Variants in PCDHA6 observed in about 807,000 individuals in gnomAD.
PCDHA6 encodes protocadherin alpha 6, also known as protocadherin alpha-6.
In PCDHA6, 55 loss-of-function variants were observed where a neutral mutation model predicts 60.3. The ratio of observed to expected loss-of-function variants is 0.91; its 90% CI spans 0.73 to 1.14. PCDHA6 has a LOEUF of 1.14. Among genes scored for constraint, PCDHA6 ranks in the 50% most tolerant of loss-of-function variants. The pLI, the probability that PCDHA6 is intolerant of heterozygous loss-of-function variation, is 0.00. For missense variants in PCDHA6, 1,327 were observed against 1,256.5 expected, an observed-to-expected ratio of 1.06 and a Z score of -0.85; for synonymous variants, 652 against 557.9, an observed-to-expected ratio of 1.17 and a Z score of -2.38.
At chr5:140,843,005 G>A (rs1562406385) in intron 1 of PCDHA6, 5 of 1,594,914 alleles carry the variant, frequency 3.1e-6, no homozygotes, top group Non-Finnish European at 3.4e-6. Flanking sequence ...GAATGACAAC[G>A]CGCCGGCACT....
chr5:140,927,192 G>T, intron 1 of PCDHA6: 4 of 1,614,154 alleles, frequency 2.5e-6, no homozygotes, highest in Non-Finnish European at 3.4e-6. Flanking sequence ...ACGACCTGGT[G>T]CTCGAGGACC....
rs1554151505 is a variant in PCDHA6 at position 140,858,367 on chromosome 5, C to T, written c.2394+27882C>T. 1.8e-5 allele frequency: 28 copies of T among 1,590,300 alleles called. 2 individuals carry two copies. Among genetic ancestry groups the T allele is most frequent in the Non-Finnish European group, 2.3e-5 (27 of 1,162,754 alleles). On this transcript the variant is annotated intron_variant, in intron 1 of 3. Transcript: ENST00000529310. ...CGGACCTCATGGCCTTCAGCCCCAG[C>T]CTTCCACCATGCCCAATGGTAGATG...
chr5:140,843,635 T>C (rs1554140305), intron 1 of PCDHA6: 2 of 1,595,882 alleles, frequency 1.3e-6, no homozygotes, highest in Non-Finnish European at 1.7e-6. Flanking sequence ...CCTCATGGCC[T>C]TCAGCCCCTG....
intron 1 of PCDHA6, among the ~76,000 whole-genome samples, chr5:140,900,657 C>T (rs116775770): frequency 0.011 from 1,723 of 152,294 alleles, 23 homozygotes; most frequent in African/African-American, 0.039. Context: ...CTGCAATGAA[C>T]AATGGGAGTG....
chr5:140,867,218 C>T (rs1306358108), intron 1 of PCDHA6: 1 of 152,104 alleles, frequency 6.6e-6, no homozygotes, highest in Non-Finnish European at 1.5e-5. Context: ...TCTTCATCCC[C>T]AATTCCCATA....
intron 1 of PCDHA6, among the ~76,000 whole-genome samples, chr5:140,892,867 A>G (rs1452797610): frequency 1.3e-5 from 2 of 152,150 alleles, no homozygotes; most frequent in African/African-American, 4.8e-5. Context: ...CTGTGTAGCT[A>G]TAATTTCGTA....
intron 1 of PCDHA6, among the ~76,000 whole-genome samples, chr5:140,964,532 G>A (rs995586958): frequency 2.0e-5 from 3 of 152,156 alleles, no homozygotes; most frequent in Non-Finnish European, 4.4e-5. Context: ...TCTGAGCTGC[G>A]TGCAGAGATG....
intron 1 of PCDHA6, among the ~76,000 whole-genome samples, chr5:140,945,003 C>A (rs2093723763): frequency 6.6e-6 from 1 of 152,064 alleles, no homozygotes; most frequent in South Asian, 2.1e-4. Flanking sequence ...GGTTGTGGGT[C>A]ATGAATTATT....
At chr5:140,832,848 G>C (rs2150204756) in intron 1 of PCDHA6, among the ~76,000 whole-genome samples, 1 of 152,162 alleles carries the variant, frequency 6.6e-6, no homozygotes, top group East Asian at 1.9e-4. Context: ...GAAGGAGACC[G>C]TGAAGAGTCA....
chr5:140,835,749 G>C, intron 1 of PCDHA6: 1 of 1,613,432 alleles, frequency 6.2e-7, no homozygotes. Context: ...CCCGGCGTTC[G>C]CGCAGCCCGA....
chr5:140,869,415 C>T (rs1444507177), intron 1 of PCDHA6: 2 of 1,614,216 alleles, frequency 1.2e-6, no homozygotes, highest in South Asian at 1.1e-5. Context: ...AGTGCAGCAT[C>T]CACCTGGAGG....
intron 3 of PCDHA6, among the ~76,000 whole-genome samples, chr5:140,988,281 A>G (rs2097291171): frequency 2.0e-5 from 3 of 152,202 alleles, no homozygotes; most frequent in Admixed American, 2.0e-4. Context: ...GTCACCTGCC[A>G]TCTGACAGCC....
At chr5:140,837,768 C>T (rs1391486118) in intron 1 of PCDHA6, among the ~76,000 whole-genome samples, 1 of 151,702 alleles carries the variant, frequency 6.6e-6, no homozygotes, top group Non-Finnish European at 1.5e-5. Flanking sequence ...CCTGAAAGTC[C>T]TGGGCTCACA....
At chr5:140,870,777 C>G in intron 1 of PCDHA6, 3 of 1,613,612 alleles carry the variant, frequency 1.9e-6, no homozygotes, top group East Asian at 4.5e-5. Context: ...TGGACGAGAA[C>G]GACAACGCGC....
rs543069895 is a variant in PCDHA6, at chr5:140,958,338, G to A, written c.2395-20611G>A. 2.0e-4 allele frequency among the ~76,000 whole-genome samples: 30 copies of A among 152,108 alleles called. No homozygotes were observed. In the South Asian group the frequency reaches 6.0e-3, roughly 31 times the overall value. ...GAGCTCAAAAAATAAATAAATCACA[G>A]GAAGTTCACAGTCTGACTTTATCAG... On this transcript the variant is annotated intron_variant, in intron 1 of 3. Transcript: ENST00000529310.
chr5:140,978,182 AC>A (rs1240611427), intron 1 of PCDHA6, among the ~76,000 whole-genome samples: 1 of 152,186 alleles, frequency 6.6e-6, no homozygotes, highest in African/African-American at 2.4e-5. Context: ...AGAGAGGGCA[AC>A]AGATCTTTTC....
chr5:140,828,404 C>A lies in PCDHA6; in HGVS notation c.313C>A (p.His105Asn). The part of the protein sequence containing the change: ...LCGRSAECSI[H>N]LEVIVDRPLQ... ...CGGGCGGAGCGCGGAGTGCAGCATCCACCTGGAGGTGATCGTGGACAGGCC... is the reference window on the plus strand; with the variant it reads ...CGGGCGGAGCGCGGAGTGCAGCATCAACCTGGAGGTGATCGTGGACAGGCC... Residue 105 changes from histidine to asparagine, a missense_variant, in exon 1 of 4, where the codon CAC becomes AAC. Transcript: ENST00000529310. The A allele has an allele frequency of 6.2e-7, 1 of 1,614,252 alleles. No individual in the cohort carries two copies. Among genetic ancestry groups the A allele is most frequent in the Non-Finnish European group, 8.5e-7 (1 of 1,180,042 alleles).
Position 140,830,147 on chromosome 5 carries a change from G to C in PCDHA6, c.2056G>C (p.Ala686Pro). 6.2e-7 allele frequency: 1 copy of C among 1,613,286 alleles called. No individual in the cohort carries two copies. Among genetic ancestry groups the C allele is most frequent in the Non-Finnish European group, 8.5e-7 (1 of 1,179,876 alleles). Residue 686 changes from alanine (A) to proline (P), a missense_variant, in exon 1 of 4, where the codon GCC (alanine) becomes CCC (proline). Transcript: ENST00000529310. ...PKASSRASVG[A>P]AGPEAALVDV... ...GGCGTCATCACGGGCGTCGGTGGGC[G>C]CCGCGGGCCCAGAGGCGGCGCTGGT...
chr5:140,847,580 C>T (rs1350641732), intron 1 of PCDHA6: 1 of 149,008 alleles, frequency 6.7e-6, no homozygotes, highest in African/African-American at 2.5e-5. Flanking sequence ...TAAGGATGAG[C>T]AATAATGAAA....
Sources: gnomAD v4.1 joint callset for allele counts (sites outside exome capture counted in the v4.1 genomes callset) on GRCh38, gnomAD v4.1.1 for gene constraint, MANE v1.5 for transcripts, NCBI Gene and HGNC (gene_info 2026-07-23, HGNC 2026-07-21) for gene names.